CPED1: variants seen among roughly 807,000 people sequenced by gnomAD.
CPED1 encodes the protein cadherin like and PC-esterase domain containing 1, also known as cadherin-like and PC-esterase domain-containing protein 1.
CPED1 carries 114 observed loss-of-function variants against 128.2 expected under a neutral mutation model. The observed-to-expected ratio is 0.89, with a 90% CI of 0.76 to 1.04. The LOEUF is 1.04. Ranked by LOEUF, CPED1 falls within the 50% of genes least tolerant of loss-of-function variation. The pLI, the probability that CPED1 is intolerant of heterozygous loss-of-function variation, is 0.00. For missense variants in CPED1, 1,211 were observed against 1,207.1 expected, an observed-to-expected ratio of 1.00 and a Z score of -0.05; for synonymous variants, 462 against 426.7, an observed-to-expected ratio of 1.08 and a Z score of -1.02.
At chr7:121,116,999 T>C (rs1435759825) in intron 7 of CPED1, among the ~76,000 whole-genome samples, 7 of 146,526 alleles carry the variant, frequency 4.8e-5, no homozygotes, top group South Asian at 2.1e-4. Flanking sequence ...CACATATATA[T>C]ACACACACAC....
At chr7:121,133,704 T>C in intron 12 of CPED1, 119 bp from the exon 13 acceptor site, 1 of 646,918 alleles carries the variant, frequency 1.5e-6, no homozygotes, top group Non-Finnish European at 2.6e-6. Context: ...CAGAAAGCGT[T>C]TTTTTGTGTT....
In CPED1 at chr7:121,259,019, C is replaced by G. The variant is rs139270376; in HGVS notation, c.2311-7208C>G. Among the ~76,000 whole-genome samples the G allele has an allele frequency of 5.5e-3, 835 of 152,142 alleles. 6 individuals carry two copies. Among genetic ancestry groups the G allele is most frequent in the African/African-American group, 0.017 (726 of 41,546 alleles). Reference sequence around the variant, plus strand: ...CATTGAGAACTATTAGAAAGTTAGGCCTTCAAATAGTGCTCTGCTTTCTTT... The same window carrying G: ...CATTGAGAACTATTAGAAAGTTAGGGCTTCAAATAGTGCTCTGCTTTCTTT... On this transcript the variant is annotated intron_variant, in intron 18 of 22. Coordinates refer to ENST00000310396, the MANE Select transcript of CPED1 (RefSeq NM_024913.5).
At chr7:121,127,024 A>G (rs1047224488) in intron 9 of CPED1, 66 bp from the exon 10 acceptor site, 1 of 1,179,218 alleles carries the variant, frequency 8.5e-7, no homozygotes, top group Non-Finnish European at 1.2e-6. Context: ...CATGTCTTAG[A>G]AGTAATTCCA....
intron 17 of CPED1, among the ~76,000 whole-genome samples, chr7:121,238,575 A>G (rs1584621939): frequency 1.3e-5 from 2 of 152,012 alleles, no homozygotes; most frequent in Non-Finnish European, 2.9e-5. Context: ...AAGTATTTAC[A>G]TGTTTCTCAC....
At chr7:121,199,833 A>T (rs1416098054) in intron 16 of CPED1, among the ~76,000 whole-genome samples, 1 of 152,112 alleles carries the variant, frequency 6.6e-6, no homozygotes, top group East Asian at 1.9e-4. Context: ...CACATTTTTT[A>T]AAAAAGTAAA....
chr7:121,165,739 G>A (rs987149041), intron 16 of CPED1, among the ~76,000 whole-genome samples: 1 of 152,034 alleles, frequency 6.6e-6, no homozygotes, highest in African/African-American at 2.4e-5. Flanking sequence ...CTTCTTTTTG[G>A]CATGTGTTGG....
chr7:121,035,935 T>C (rs1792872332), intron 3 of CPED1, among the ~76,000 whole-genome samples: 1 of 152,090 alleles, frequency 6.6e-6, no homozygotes, highest in Non-Finnish European at 1.5e-5. Context: ...GCAGGGCATC[T>C]CTTCTAGAGT....
chr7:121,272,518 C>A (rs1429742969), intron 22 of CPED1, among the ~76,000 whole-genome samples: 1 of 151,974 alleles, frequency 6.6e-6, no homozygotes, highest in Non-Finnish European at 1.5e-5. Flanking sequence ...CCTTGGTATC[C>A]AACTGTCTAT....
chr7:121,191,171 G>A (rs768203022), intron 16 of CPED1, among the ~76,000 whole-genome samples: 8 of 152,118 alleles, frequency 5.3e-5, no homozygotes, highest in Non-Finnish European at 8.8e-5. Flanking sequence ...TTTGATTCAT[G>A]CTTTTTGCCA....
chr7:121,052,461 C>T (rs192913193), intron 4 of CPED1, among the ~76,000 whole-genome samples: 3 of 152,216 alleles, frequency 2.0e-5, no homozygotes, highest in East Asian at 1.9e-4. Flanking sequence ...ATTTTGATCA[C>T]GTTATTTAAT....
chr7:121,235,686 A>G (rs1187101518), intron 16 of CPED1, among the ~76,000 whole-genome samples: 2 of 152,164 alleles, frequency 1.3e-5, no homozygotes, highest in Non-Finnish European at 2.9e-5. Context: ...TGTGAGTGGA[A>G]TAATTATTTG....
chr7:121,252,542 G>A (rs1562851255), intron 18 of CPED1, among the ~76,000 whole-genome samples: 1 of 151,944 alleles, frequency 6.6e-6, no homozygotes, highest in Non-Finnish European at 1.5e-5. Context: ...CCTACAAAAT[G>A]GGAGAAAATT....
At chr7:121,157,223 G>A (rs1796307877) in intron 16 of CPED1, among the ~76,000 whole-genome samples, 1 of 152,062 alleles carries the variant, frequency 6.6e-6, no homozygotes, top group Non-Finnish European at 1.5e-5. Flanking sequence ...TTATTGTTTG[G>A]AACTTGTCAT....
At chr7:121,255,290 A>AATTTT (rs1798776683) in intron 18 of CPED1, among the ~76,000 whole-genome samples, 1 of 152,094 alleles carries the variant, frequency 6.6e-6, no homozygotes. Context: ...ACCACATAAA[A>AATTTT]AGAATGAAAG....
chr7:121,095,091 T>C, intron 5 of CPED1, among the ~76,000 whole-genome samples: 1 of 152,194 alleles, frequency 6.6e-6, no homozygotes, highest in East Asian at 1.9e-4. Context: ...GTTAATGAAC[T>C]AGGCTATTTG....
At chr7:121,164,713 G>C (rs1796485711) in intron 16 of CPED1, among the ~76,000 whole-genome samples, 1 of 152,124 alleles carries the variant, frequency 6.6e-6, no homozygotes, top group South Asian at 2.1e-4. Context: ...TAGCTCAGGT[G>C]CATTCTCTTT....
At chr7:121,031,476 T>G (rs925025061) in intron 3 of CPED1, among the ~76,000 whole-genome samples, 2 of 152,088 alleles carry the variant, frequency 1.3e-5, no homozygotes, top group African/African-American at 4.8e-5. Context: ...TTAGTGGAGA[T>G]GGGGTTTCAC....
At chr7:121,162,772 A>C (rs191691613) in intron 16 of CPED1, among the ~76,000 whole-genome samples, 441 of 152,324 alleles carry the variant, frequency 2.9e-3, no homozygotes, top group African/African-American at 9.4e-3. Context: ...AGGCAACTGC[A>C]GGTTCTCTCA....
At chr7:121,148,251 C>T (rs868850943) in intron 16 of CPED1, among the ~76,000 whole-genome samples, 3 of 152,156 alleles carry the variant, frequency 2.0e-5, no homozygotes, top group African/African-American at 4.8e-5. Flanking sequence ...ACCCACTATG[C>T]ACTTTGTTCT....
Sources: gnomAD v4.1 joint callset for allele counts (sites outside exome capture counted in the v4.1 genomes callset) on GRCh38, gnomAD v4.1.1 for gene constraint, MANE v1.5 for transcripts, NCBI Gene and HGNC (gene_info 2026-07-23, HGNC 2026-07-21) for gene names.